The following RPL31 variants were observed in gnomAD, a reference collection of about 807,000 sequenced individuals.
RPL31 encodes large ribosomal subunit protein eL31.
For missense variants in RPL31, 95 were observed against 164.0 expected (o/e 0.58, Z 2.30); for synonymous variants, 51 against 55.0 (o/e 0.93, Z 0.32).
intron 2 of RPL31, among the ~76,000 whole-genome samples, chr2:101,003,703 C>T (rs1427461716): frequency 6.6e-6 from 1 of 152,196 alleles, no homozygotes; most frequent in East Asian, 1.9e-4. Context: ...ACTCAAGAAG[C>T]GACCTGCCTG....
downstream of RPL31, among the ~76,000 whole-genome samples, chr2:101,009,827 C>T (rs11477366): frequency 0.52 from 62,724 of 121,434 alleles, 13,963 homozygotes; most frequent in Middle Eastern, 0.59. Flanking sequence ...GGAGCTTTTT[C>T]TTTTTTTTTT....
At chr2:101,008,295 G>T, downstream of RPL31, 2 of 1,495,310 alleles carry the variant, frequency 1.3e-6, no homozygotes, top group Non-Finnish European at 8.9e-7. Flanking sequence ...ATAAGTCTTA[G>T]GTAGCAGCAG....
chr2:101,014,457 G>GCTGA (rs1472100729), intron 4 of RPL31, among the ~76,000 whole-genome samples: 1 of 152,186 alleles, frequency 6.6e-6, no homozygotes, highest in East Asian at 1.9e-4. Flanking sequence ...CCTGTGAGAT[G>GCTGA]CTGACCTTTG....
At chr2:101,018,541 T>C (rs1361696342) in intron 4 of RPL31, among the ~76,000 whole-genome samples, 1 of 152,226 alleles carries the variant, frequency 6.6e-6, no homozygotes, top group Admixed American at 6.5e-5. Context: ...ACACAAAGAC[T>C]GGAGCAGCTT....
At chr2:101,008,274 C>G, downstream of RPL31, 1 of 1,517,784 alleles carries the variant, frequency 6.6e-7, no homozygotes, top group South Asian at 1.3e-5. Flanking sequence ...TAAATTCTCT[C>G]TGAAATTGAA....
downstream of RPL31, chr2:101,007,515 T>G: frequency 3.0e-6 from 1 of 337,800 alleles, no homozygotes; most frequent in Non-Finnish European, 5.5e-6. Context: ...GTATGAGACA[T>G]TGTGTTCATC....
intron 4 of RPL31, chr2:101,018,980 G>T: frequency 6.2e-7 from 1 of 1,610,718 alleles, no homozygotes; most frequent in Non-Finnish European, 8.5e-7. Context: ...CAAATCATCT[G>T]TAATATTTCT....
At chr2:101,003,527 G>A (rs776924912) in intron 2 of RPL31, among the ~76,000 whole-genome samples, 8 of 152,154 alleles carry the variant, frequency 5.3e-5, no homozygotes, top group Non-Finnish European at 1.2e-4. Flanking sequence ...TGTAGTACTA[G>A]ATACCATCTG....
intron 2 of RPL31, among the ~76,000 whole-genome samples, chr2:101,003,676 C>T (rs1339747455): frequency 6.6e-6 from 1 of 152,210 alleles, no homozygotes; most frequent in African/African-American, 2.4e-5. Context: ...ATAGCGCTAA[C>T]TACTGCCATT....
At chr2:101,015,593 T>G (rs1316297810) in intron 4 of RPL31, among the ~76,000 whole-genome samples, 1 of 152,252 alleles carries the variant, frequency 6.6e-6, no homozygotes, top group Non-Finnish European at 1.5e-5. Flanking sequence ...AAAAAATCTT[T>G]TTAACTTTTC....
At chr2:101,010,833 G>C, downstream of RPL31, 1 of 996,920 alleles carries the variant, frequency 1.0e-6, no homozygotes, top group Non-Finnish European at 1.5e-6. Context: ...AGTGGGCTGA[G>C]ATCGCGCCAC....
intron 3 of RPL31, chr2:101,005,341 TA>T (rs1050139488): frequency 6.5e-6 from 1 of 152,800 alleles, no homozygotes; most frequent in African/African-American, 2.4e-5. Flanking sequence ...GAGATGGAGT[TA>T]ATGTTGCCCA....
chr2:101,016,401 AATC>A (rs1282848336), intron 4 of RPL31, among the ~76,000 whole-genome samples: 1 of 151,998 alleles, frequency 6.6e-6, no homozygotes, highest in East Asian at 1.9e-4. Context: ...TTAGAATGGC[AATC>A]ATTAAAAAGT....
At chr2:101,004,419 G>C in intron 3 of RPL31, 136 bp downstream of exon 3, 1 of 903,822 alleles carries the variant, frequency 1.1e-6, no homozygotes, top group Non-Finnish European at 1.6e-6. Context: ...CTGTGACCGT[G>C]ACTTAGGGTG....
At chr2:101,013,098 A>G (rs1317617194) in intron 4 of RPL31, among the ~76,000 whole-genome samples, 3 of 152,206 alleles carry the variant, frequency 2.0e-5, no homozygotes, top group South Asian at 2.1e-4. Flanking sequence ...AAAGGCAGCA[A>G]TTAATCCAGG....
At chr2:101,011,255 G>C (rs1679185416), downstream of RPL31, 1 of 692,366 alleles carries the variant, frequency 1.4e-6, no homozygotes, top group African/African-American at 1.8e-5. Flanking sequence ...ACTTGGTGGT[G>C]GGGGCAAGGG....
At chr2:101,002,489 G>A in intron 1 of RPL31, 174 bp downstream of exon 1, 1 of 604,702 alleles carries the variant, frequency 1.7e-6, no homozygotes, top group Non-Finnish European at 3.0e-6. Flanking sequence ...AAAGTGACCA[G>A]GCTTAGGGGA....
downstream of RPL31, chr2:101,007,739 C>T (rs1237713464): frequency 1.1e-5 from 15 of 1,413,864 alleles, no homozygotes; most frequent in South Asian, 5.4e-5. Context: ...ACTGAAATCT[C>T]GGTTTAGGGC....
chr2:101,004,313 A>C, intron 3 of RPL31, 30 bp downstream of exon 3: 1 of 1,612,064 alleles, frequency 6.2e-7, no homozygotes, highest in South Asian at 1.1e-5. Flanking sequence ...TCGAAGGTGA[A>C]CTTTTGCAAT....
Sources: gnomAD v4.1 joint callset for allele counts (sites outside exome capture counted in the v4.1 genomes callset) on GRCh38, gnomAD v4.1.1 for gene constraint, MANE v1.5 for transcripts, NCBI Gene and HGNC (gene_info 2026-07-23, HGNC 2026-07-21) for gene names.